The following FHOD3 variants were observed in gnomAD, a reference collection of about 807,000 sequenced individuals.
FHOD3 encodes formin homology 2 domain containing 3.
In FHOD3, 90 loss-of-function variants were observed where a neutral mutation model predicts 173.0. The ratio of observed to expected loss-of-function variants is 0.52; its 90% CI spans 0.44 to 0.62. The LOEUF is 0.62. Among genes scored for constraint, FHOD3 ranks in the 20% least tolerant of loss-of-function variants. FHOD3 has a pLI of 0.00. For missense variants in FHOD3, 1,945 were observed against 2,034.7 expected (o/e 0.96, Z 0.85); for synonymous variants, 828 against 823.0 (o/e 1.01, Z -0.10).
chr18:36,322,527 G>A (rs2044451144), intron 1 of FHOD3, among the ~76,000 whole-genome samples: 1 of 152,156 alleles, frequency 6.6e-6, no homozygotes, highest in Admixed American at 6.5e-5. Flanking sequence ...CCAAAAGAAA[G>A]AGCAGGTTTG....
chr18:36,431,202 T>C (rs1342598124), intron 3 of FHOD3, among the ~76,000 whole-genome samples: 1 of 152,250 alleles, frequency 6.6e-6, no homozygotes, highest in Non-Finnish European at 1.5e-5. Context: ...TGTGTTTTAG[T>C]TGACTACATT....
intron 3 of FHOD3, among the ~76,000 whole-genome samples, chr18:36,393,564 T>C (rs528051654): frequency 6.6e-6 from 1 of 152,128 alleles, no homozygotes; most frequent in Non-Finnish European, 1.5e-5. Flanking sequence ...CCCAAGACAG[T>C]CACAGAGGGA....
At chr18:36,592,701 G>A (rs780032862) in intron 6 of FHOD3, among the ~76,000 whole-genome samples, 13 of 152,192 alleles carry the variant, frequency 8.5e-5, no homozygotes, top group South Asian at 2.1e-4. Flanking sequence ...GATGGGGTGA[G>A]GGAAGTGCAG....
At chr18:36,746,565 AACTTTAAGAGAAATATT>A (rs370345992) in intron 23 of FHOD3, among the ~76,000 whole-genome samples, 86 of 152,334 alleles carry the variant, frequency 5.6e-4, no homozygotes, top group African/African-American at 2.0e-3. Flanking sequence ...TGCATTTCTC[AACTTTAAGAGAAATATT>A]ATCGCTGAAG....
rs1195411281 is a variant in FHOD3, at chr18:36,496,988, G to A, written c.338-4944G>A. Among the ~76,000 whole-genome samples the A allele has an allele frequency of 3.3e-5, 5 of 152,176 alleles. No homozygotes were observed. In the East Asian group the frequency reaches 9.6e-4, roughly 29 times the overall value. Reference sequence around the variant, plus strand: ...CCAAAATAGGTAATATTTTTATATAGATTAGCTGTTCTTTTGAGCTTTGAT... The same window carrying A: ...CCAAAATAGGTAATATTTTTATATAAATTAGCTGTTCTTTTGAGCTTTGAT... On this transcript the variant is annotated intron_variant, in intron 3 of 28. Transcript: ENST00000590592.
chr18:36,340,990 C>G (rs1335183943), intron 1 of FHOD3, among the ~76,000 whole-genome samples: 1 of 152,118 alleles, frequency 6.6e-6, no homozygotes, highest in Admixed American at 6.5e-5. Flanking sequence ...GGACTTAGTC[C>G]TTTGCCTTCC....
intron 14 of FHOD3, among the ~76,000 whole-genome samples, chr18:36,669,020 A>G (rs1361215823): frequency 6.6e-6 from 1 of 152,004 alleles, no homozygotes; most frequent in Admixed American, 6.5e-5. Flanking sequence ...AGTATTCCGT[A>G]TCCTTAGTGC....
intron 5 of FHOD3, among the ~76,000 whole-genome samples, chr18:36,564,760 T>C (rs981014417): frequency 1.3e-5 from 2 of 152,104 alleles, no homozygotes; most frequent in Non-Finnish European, 2.9e-5. Context: ...TGAGAGTTAC[T>C]AAGAGTTAAG....
At chr18:36,467,703 CA>C (rs2053026313) in intron 3 of FHOD3, among the ~76,000 whole-genome samples, 1 of 152,232 alleles carries the variant, frequency 6.6e-6, no homozygotes, top group Admixed American at 6.5e-5. Context: ...CGTTGAAGAG[CA>C]AGTGTGAAGT....
At chr18:36,469,618 C>T (rs1172785705) in intron 3 of FHOD3, among the ~76,000 whole-genome samples, 8 of 152,160 alleles carry the variant, frequency 5.3e-5, no homozygotes, top group South Asian at 2.1e-4. Flanking sequence ...AGCTATCACT[C>T]GACCAAGAGG....
At chr18:36,329,411 A>G (rs975844084) in intron 1 of FHOD3, among the ~76,000 whole-genome samples, 1 of 151,988 alleles carries the variant, frequency 6.6e-6, no homozygotes, top group African/African-American at 2.4e-5. Flanking sequence ...CCTGGAACCC[A>G]CTCCCTTACC....
intron 16 of FHOD3, 99 bp from the exon 17 acceptor site, chr18:36,693,110 A>G (rs1568617303): frequency 4.1e-6 from 5 of 1,227,302 alleles, no homozygotes; most frequent in Non-Finnish European, 5.8e-6. Flanking sequence ...TGTGTGCATC[A>G]GGAAACCGGC....
At chr18:36,388,781 G>A (rs769414996) in intron 3 of FHOD3, among the ~76,000 whole-genome samples, 13 of 152,248 alleles carry the variant, frequency 8.5e-5, no homozygotes, top group Non-Finnish European at 1.5e-4. Flanking sequence ...CACCAACAAT[G>A]AAGATGGGAG....
At chr18:36,612,369 C>T (rs2032771993) in intron 9 of FHOD3, among the ~76,000 whole-genome samples, 1 of 152,178 alleles carries the variant, frequency 6.6e-6, no homozygotes, top group Non-Finnish European at 1.5e-5. Flanking sequence ...CTTTAAAGAA[C>T]ATGCCGTTTG....
chr18:36,434,958 A>C (rs137864420), intron 3 of FHOD3, among the ~76,000 whole-genome samples: 1 of 152,078 alleles, frequency 6.6e-6, no homozygotes, highest in African/African-American at 2.4e-5. Context: ...TTTTCTGTGT[A>C]TGTAATCACA....
intron 5 of FHOD3, among the ~76,000 whole-genome samples, chr18:36,556,214 A>G (rs2057876969): frequency 6.6e-6 from 1 of 152,034 alleles, no homozygotes; most frequent in African/African-American, 2.4e-5. Flanking sequence ...TTTAGGGTTT[A>G]TAGTACAGTT....
At chr18:36,644,342 A>C (rs537772041) in intron 10 of FHOD3, among the ~76,000 whole-genome samples, 1 of 152,374 alleles carries the variant, frequency 6.6e-6, no homozygotes, top group South Asian at 2.1e-4. Context: ...ATTCAGTCTT[A>C]AATATTATTA....
chr18:36,695,652 T>C (rs1310305863), intron 17 of FHOD3, among the ~76,000 whole-genome samples: 1 of 152,190 alleles, frequency 6.6e-6, no homozygotes, highest in Admixed American at 6.5e-5. Flanking sequence ...TGTCCTGATA[T>C]GTAATTGATT....
chr18:36,492,534 A>G (rs1342811060), intron 3 of FHOD3, among the ~76,000 whole-genome samples: 1 of 152,220 alleles, frequency 6.6e-6, no homozygotes, highest in Non-Finnish European at 1.5e-5. Flanking sequence ...GTTTTCATTT[A>G]CAATTATAAC....
Sources: gnomAD v4.1 joint callset for allele counts (sites outside exome capture counted in the v4.1 genomes callset) on GRCh38, gnomAD v4.1.1 for gene constraint, MANE v1.5 for transcripts, NCBI Gene and HGNC (gene_info 2026-07-23, HGNC 2026-07-21) for gene names.